Variants in ATP7A observed in about 807,000 individuals in gnomAD.
ATP7A encodes the protein ATPase copper transporting alpha.
Under a neutral mutation model 83.5 loss-of-function variants are expected in ATP7A, and 7 were observed. The ratio of observed to expected loss-of-function variants is 0.08; its 90% CI spans 0.05 to 0.16. The LOEUF (loss-of-function observed/expected upper bound fraction) is 0.16, where lower values mean the gene tolerates loss of function less well. Among genes scored for constraint, ATP7A ranks in the 10% least tolerant of loss-of-function variants. ATP7A has a pLI of 1.00. For synonymous variants in ATP7A, 354 were observed against 395.2 expected (o/e 0.90, Z 1.24); for missense variants, 940 against 1,120.8 (o/e 0.84, Z 2.30).
chrX:77,992,184 C>T (rs1315049137), intron 4 of ATP7A, among the ~76,000 whole-genome samples: 4 of 108,827 alleles, frequency 3.7e-5, no homozygotes, highest in African/African-American at 1.3e-4. Flanking sequence ...CCTGCCTCAG[C>T]CTCCTGAGTA....
intron 7 of ATP7A, among the ~76,000 whole-genome samples, chrX:78,010,111 C>T (rs1171941307): frequency 8.9e-6 from 1 of 112,508 alleles, no homozygotes; most frequent in Non-Finnish European, 1.9e-5. Flanking sequence ...ATGACATTAT[C>T]ATTACCATTT....
At chrX:78,046,090 A>T (rs1455832762) in intron 22 of ATP7A, among the ~76,000 whole-genome samples, 2 of 112,359 alleles carry the variant, frequency 1.8e-5, no homozygotes, top group Non-Finnish European at 3.8e-5. Context: ...GATAAAATAT[A>T]GTGCACTAAT....
At chrX:77,914,070 A>G (rs1159930223) in intron 1 of ATP7A, among the ~76,000 whole-genome samples, 1 of 110,129 alleles carries the variant, frequency 9.1e-6, no homozygotes, top group Non-Finnish European at 1.9e-5. Flanking sequence ...TTATCTATGT[A>G]TTTATTTCTA....
intron 1 of ATP7A, among the ~76,000 whole-genome samples, chrX:77,912,508 T>G (rs2077165686): frequency 9.0e-6 from 1 of 111,158 alleles, no homozygotes; most frequent in Non-Finnish European, 1.9e-5. Context: ...AATACAAAAC[T>G]AGTCAGCTCA....
intron 1 of ATP7A, among the ~76,000 whole-genome samples, chrX:77,941,316 C>A (rs901748458): frequency 4.5e-5 from 5 of 111,883 alleles, no homozygotes; most frequent in African/African-American, 1.6e-4. Context: ...AATATTACAA[C>A]CATTTTATAA....
At chrX:77,949,391 C>T (rs2077401331) in intron 1 of ATP7A, among the ~76,000 whole-genome samples, 1 of 111,957 alleles carries the variant, frequency 8.9e-6, no homozygotes, top group African/African-American at 3.2e-5. Context: ...CCCCCAATCT[C>T]TTAAAGTCGC....
intron 1 of ATP7A, among the ~76,000 whole-genome samples, chrX:77,953,053 A>G (rs781973106): frequency 8.9e-6 from 1 of 111,930 alleles, no homozygotes; most frequent in East Asian, 2.8e-4. Context: ...AAGTGCTGGG[A>G]TTACAGGCGT....
chrX:77,969,741 C>T (rs1603378483), intron 1 of ATP7A: 1 of 997,965 alleles, frequency 1.0e-6, no homozygotes, highest in Non-Finnish European at 1.4e-6. Context: ...CCACTCATTT[C>T]CCCTCACCAG....
chrX:77,914,853 A>C (rs1018382413), intron 1 of ATP7A, among the ~76,000 whole-genome samples: 1 of 112,215 alleles, frequency 8.9e-6, no homozygotes, highest in African/African-American at 3.2e-5. Flanking sequence ...TGGCTCTGTC[A>C]CCTAGGCTGG....
intron 4 of ATP7A, among the ~76,000 whole-genome samples, chrX:77,992,861 G>T (rs1277358652): frequency 2.7e-5 from 3 of 112,056 alleles, no homozygotes; most frequent in Non-Finnish European, 3.8e-5. Context: ...TGATCTGCCC[G>T]CCTCGGCCTC....
Position 78,049,089 on chromosome X carries a change from C to T in ATP7A, c.*2519C>T, listed in dbSNP as rs1182761415. 1 of 112,002 alleles carries T rather than the reference C, an allele frequency of 8.9e-6. No homozygotes were observed. Among genetic ancestry groups the T allele is most frequent in the East Asian group, 2.8e-4 (1 of 3,604 alleles). 9.2% of individuals were successfully genotyped at this position (112,002 alleles called of 1,213,427 possible). ...GTAGCCACATTTGAATCCTCTACCA[C>T]AAGTCTTTTTTGCAATCTTGAACTT... On this transcript the variant is annotated 3_prime_UTR_variant, in exon 23 of 23. Coordinates refer to ENST00000341514, the MANE Select transcript of ATP7A (RefSeq NM_000052.7).
At chrX:77,985,515 C>T (rs1333660433) in intron 2 of ATP7A, among the ~76,000 whole-genome samples, 1 of 110,835 alleles carries the variant, frequency 9.0e-6, no homozygotes, top group African/African-American at 3.3e-5. Flanking sequence ...AGCAATACCA[C>T]CCAAGAATGG....
At chrX:78,015,615 C>T in intron 11 of ATP7A, 139 bp from the exon 12 acceptor site, 2 of 779,930 alleles carry the variant, frequency 2.6e-6, no homozygotes, top group Non-Finnish European at 3.9e-6. Flanking sequence ...CATACTAGTT[C>T]CTAGTTTAAA....
At chrX:78,046,156 T>C (rs1337405582) in intron 22 of ATP7A, 138 bp from the exon 23 acceptor site, 6 of 703,701 alleles carry the variant, frequency 8.5e-6, no homozygotes, top group African/African-American at 8.5e-5. Context: ...TCAAGCTATT[T>C]TCCTACCAGT....
intron 1 of ATP7A, among the ~76,000 whole-genome samples, chrX:77,929,579 A>T (rs2077260419): frequency 9.0e-6 from 1 of 111,113 alleles, no homozygotes; most frequent in African/African-American, 3.3e-5. Flanking sequence ...TAAAGTGTTT[A>T]AAATGTCTGG....
intron 9 of ATP7A, 22 bp downstream of exon 9, chrX:78,011,696 A>G: frequency 5.0e-6 from 6 of 1,189,833 alleles, no homozygotes; most frequent in Non-Finnish European, 6.8e-6. Flanking sequence ...GTTAGCAAAT[A>G]TATTTGTTAA....
chrX:77,963,558 T>C (rs1412861645), intron 1 of ATP7A: 1 of 112,305 alleles, frequency 8.9e-6, no homozygotes, highest in Non-Finnish European at 1.9e-5. Context: ...ATGATAGCTT[T>C]TAAAAACATG....
At chrX:78,029,568 A>G (rs1217707119) in intron 15 of ATP7A, 124 bp downstream of exon 15, 1 of 730,857 alleles carries the variant, frequency 1.4e-6, no homozygotes, top group Non-Finnish European at 2.0e-6. Flanking sequence ...TTCTAGGACT[A>G]TCCAGAGATT....
intron 1 of ATP7A, among the ~76,000 whole-genome samples, chrX:77,953,262 C>G (rs2077423594): frequency 9.0e-6 from 1 of 111,653 alleles, no homozygotes; most frequent in African/African-American, 3.3e-5. Context: ...TTGTGTCTGA[C>G]AAGTTGAATC....
Sources: gnomAD v4.1 joint callset for allele counts (sites outside exome capture counted in the v4.1 genomes callset) on GRCh38, gnomAD v4.1.1 for gene constraint, MANE v1.5 for transcripts, NCBI Gene and HGNC (gene_info 2026-07-23, HGNC 2026-07-21) for gene names.